The following CFH variants were observed in gnomAD, a reference collection of about 807,000 sequenced individuals.
The protein encoded by CFH is H factor 1 (complement).
Under a neutral mutation model 147.3 loss-of-function variants are expected in CFH, and 53 were observed. The ratio of observed to expected loss-of-function variants is 0.36; its 90% confidence interval spans 0.29 to 0.45. The LOEUF is 0.45. Ranked by LOEUF, CFH falls within the 20% of genes least tolerant of loss-of-function variation. CFH has a pLI of 1.00. For synonymous variants in CFH, 536 were observed against 489.4 expected (o/e 1.10, Z -1.26); for missense variants, 1,380 against 1,498.0 (o/e 0.92, Z 1.30).
At chr1:196,730,209 A>G (rs1291616473) in intron 15 of CFH, among the ~76,000 whole-genome samples, 1 of 151,816 alleles carries the variant, frequency 6.6e-6, no homozygotes. Flanking sequence ...CTTTCTTGAT[A>G]TAGGCAATTA....
chr1:196,692,803 T>C (rs866128410), intron 9 of CFH, among the ~76,000 whole-genome samples: 263 of 75,556 alleles, frequency 3.5e-3, no homozygotes, highest in Non-Finnish European at 4.3e-3. Flanking sequence ...TCTTTCTTTC[T>C]TTCTTTCTTT....
chr1:196,684,943 A>T, intron 6 of CFH, 121 bp from the exon 7 acceptor site: 1 of 758,138 alleles, frequency 1.3e-6, no homozygotes, highest in Non-Finnish European at 2.2e-6. Context: ...TGTTCATTTT[A>T]ATGCCATTTT....
chr1:196,696,355 T>C lies in CFH; in HGVS notation c.1336+6116T>C, dbSNP rs145589161. ...GGAAACTGAACAACCTGCTACTGAA[T>C]GACTACTGAGTAAATATTGAAAGTA... On this transcript the variant is annotated intron_variant, in intron 9 of 21. Transcript: ENST00000367429. Among the ~76,000 whole-genome samples, 32 of 152,288 alleles carry C rather than the reference T, an allele frequency of 2.1e-4. No homozygotes were observed. In the East Asian group the frequency reaches 5.2e-3, roughly 25 times the overall value.
chr1:196,686,461 TC>T (rs1017795814), intron 7 of CFH, among the ~76,000 whole-genome samples: 12 of 152,072 alleles, frequency 7.9e-5, no homozygotes, highest in African/African-American at 2.9e-4. Context: ...TCTGGGATGC[TC>T]CTTTACCCCT....
At chr1:196,682,484 A>G (rs1667689889) in intron 6 of CFH, among the ~76,000 whole-genome samples, 1 of 151,640 alleles carries the variant, frequency 6.6e-6, no homozygotes, top group African/African-American at 2.4e-5. Flanking sequence ...TCTATTCTTA[A>G]TTAACAAAAT....
intron 3 of CFH, among the ~76,000 whole-genome samples, chr1:196,674,325 T>C (rs985319861): frequency 6.6e-6 from 1 of 152,224 alleles, no homozygotes; most frequent in Non-Finnish European, 1.5e-5. Flanking sequence ...TTATATTGTA[T>C]GGTAACTGTT....
intron 7 of CFH, among the ~76,000 whole-genome samples, chr1:196,685,537 A>T (rs1216128199): frequency 6.6e-6 from 1 of 152,124 alleles, no homozygotes; most frequent in African/African-American, 2.4e-5. Flanking sequence ...TATTTATTGC[A>T]TTGTAACAAA....
At chr1:196,686,927 G>T (rs1178038170) in intron 7 of CFH, among the ~76,000 whole-genome samples, 1 of 152,160 alleles carries the variant, frequency 6.6e-6, no homozygotes, top group East Asian at 1.9e-4. Context: ...TCTCAGGCCT[G>T]CTTCATTACT....
chr1:196,740,976 C>A (rs1470905373), intron 18 of CFH, 184 bp downstream of exon 18: 2 of 622,008 alleles, frequency 3.2e-6, no homozygotes, highest in African/African-American at 1.8e-5. Flanking sequence ...CAAATTAGTT[C>A]ATTTTCACAT....
intron 11 of CFH, among the ~76,000 whole-genome samples, chr1:196,724,053 G>A (rs1047249043): frequency 3.3e-5 from 5 of 152,020 alleles, no homozygotes; most frequent in African/African-American, 1.2e-4. Flanking sequence ...TGGAAGTGGC[G>A]TAGTCATTTT....
intron 10 of CFH, 116 bp from the exon 11 acceptor site, chr1:196,715,477 G>T: frequency 1.3e-6 from 1 of 768,056 alleles, no homozygotes; most frequent in Non-Finnish European, 2.2e-6. Context: ...ATTTTTGTAC[G>T]GTACCTATTT....
At chr1:196,684,165 G>T (rs1457516611) in intron 6 of CFH, among the ~76,000 whole-genome samples, 1 of 151,916 alleles carries the variant, frequency 6.6e-6, no homozygotes, top group Non-Finnish European at 1.5e-5. Context: ...CAAACTATAG[G>T]CTGCAGGTAA....
intron 20 of CFH, 91 bp from the exon 21 acceptor site, chr1:196,745,726 A>T (rs1487534891): frequency 2.7e-5 from 42 of 1,548,362 alleles, no homozygotes; most frequent in Non-Finnish European, 3.7e-5. Flanking sequence ...TGTTGATATT[A>T]TATACAGTGC....
At chr1:196,703,204 A>G (rs1668503996) in intron 9 of CFH, among the ~76,000 whole-genome samples, 1 of 152,194 alleles carries the variant, frequency 6.6e-6, no homozygotes, top group African/African-American at 2.4e-5. Context: ...GACCACAACA[A>G]GGGCCGTCAT....
At chr1:196,668,062 G>A (rs1667156274) in intron 1 of CFH, among the ~76,000 whole-genome samples, 1 of 151,956 alleles carries the variant, frequency 6.6e-6, no homozygotes, top group East Asian at 1.9e-4. Context: ...AAACAGTCAA[G>A]GCTCTTTTTT....
At chr1:196,707,508 G>A (rs1305443138) in intron 9 of CFH, among the ~76,000 whole-genome samples, 1 of 152,120 alleles carries the variant, frequency 6.6e-6, no homozygotes, top group Non-Finnish European at 1.5e-5. Context: ...AGGAAAAGTC[G>A]ACATCCTGGG....
At chr1:196,722,570 A>G (rs1196093727) in intron 11 of CFH, among the ~76,000 whole-genome samples, 1 of 152,132 alleles carries the variant, frequency 6.6e-6, no homozygotes, top group African/African-American at 2.4e-5. Flanking sequence ...TGTTTGTAGA[A>G]GTTCATCTCG....
chr1:196,713,307 T>C (rs1481380025), intron 9 of CFH, among the ~76,000 whole-genome samples: 2 of 152,176 alleles, frequency 1.3e-5, no homozygotes, highest in Non-Finnish European at 2.9e-5. Context: ...TGAAAATTAT[T>C]TTGGCAGATT....
intron 6 of CFH, among the ~76,000 whole-genome samples, chr1:196,684,737 G>C (rs1667767277): frequency 6.6e-6 from 1 of 151,946 alleles, no homozygotes; most frequent in Admixed American, 6.6e-5. Context: ...GAGAACCACA[G>C]AAACCAAAGA....
Sources: allele counts gnomAD v4.1 joint callset (sites outside exome capture counted in the v4.1 genomes callset), GRCh38; gene constraint gnomAD v4.1.1; transcripts MANE v1.5; gene names NCBI Gene and HGNC (gene_info 2026-07-23, HGNC 2026-07-21).